The following PTPN21 variants were observed in gnomAD, a reference collection of about 807,000 sequenced individuals.
The protein encoded by PTPN21 is tyrosine-protein phosphatase non-receptor type 21.
PTPN21 carries 77 observed loss-of-function variants against 131.8 expected under a neutral mutation model. That is an observed-to-expected ratio of 0.58 (90% CI 0.49 to 0.71). The LOEUF (loss-of-function observed/expected upper bound fraction) is 0.71, where lower values mean the gene tolerates loss of function less well. Among genes scored for constraint, PTPN21 ranks in the 30% least tolerant of loss-of-function variants. The pLI, the probability that PTPN21 is intolerant of heterozygous loss-of-function variation, is 0.00. For synonymous variants in PTPN21, 715 were observed against 621.3 expected, an observed-to-expected ratio of 1.15 and a Z score of -2.24; for missense variants, 1,552 against 1,527.1, an observed-to-expected ratio of 1.02 and a Z score of -0.27.
intron 3 of PTPN21, among the ~76,000 whole-genome samples, chr14:88,509,324 C>T (rs557046113): frequency 4.8e-4 from 73 of 152,298 alleles, no homozygotes; most frequent in African/African-American, 1.7e-3. Flanking sequence ...AACTGTCCTC[C>T]GTATCTGGTG....
At chr14:88,537,969 G>C (rs941736172) in intron 2 of PTPN21, among the ~76,000 whole-genome samples, 1 of 152,190 alleles carries the variant, frequency 6.6e-6, no homozygotes, top group African/African-American at 2.4e-5. Context: ...TAAAAATACA[G>C]TATTATAATT....
chr14:88,475,692 T>TC (rs2077539137), intron 13 of PTPN21, among the ~76,000 whole-genome samples: 1 of 152,200 alleles, frequency 6.6e-6, no homozygotes, highest in Admixed American at 6.6e-5. Context: ...GTGTAAATAC[T>TC]CCCATCACAG....
chr14:88,478,311 C>G (rs1175073264), intron 13 of PTPN21, among the ~76,000 whole-genome samples: 12 of 152,194 alleles, frequency 7.9e-5, no homozygotes, highest in Admixed American at 7.9e-4. Context: ...CTTAGATTCT[C>G]AGCTGAATTC....
Position 88,466,319 on chromosome 14 carries a change from G to T in PTPN21, c.*1818C>A, listed in dbSNP as rs537458971. 1 of 152,020 alleles carries T rather than the reference G, an allele frequency of 6.6e-6. No individual in the cohort carries two copies. Among genetic ancestry groups the T allele is most frequent in the Non-Finnish European group, 1.5e-5 (1 of 68,014 alleles). 9.4% of individuals were successfully genotyped at this position (152,020 alleles called of 1,614,324 possible). On this transcript the variant is annotated 3_prime_UTR_variant, in exon 19 of 19. Coordinates refer to ENST00000556564, the MANE Select transcript of PTPN21 (RefSeq NM_007039.4). ...TTTTGTTCCTACATGAGAAGTGTGCGTACTTTCAATTAGTTTTCATTAATA... is the reference window on the plus strand; with the variant it reads ...TTTTGTTCCTACATGAGAAGTGTGCTTACTTTCAATTAGTTTTCATTAATA...
chr14:88,490,942 C>T (rs961859932), intron 10 of PTPN21, among the ~76,000 whole-genome samples: 5 of 152,166 alleles, frequency 3.3e-5, no homozygotes, highest in African/African-American at 1.2e-4. Flanking sequence ...ACTCTCTCGG[C>T]ATTTTCCTTA....
At position 88,469,859 on chromosome 14, in the gene PTPN21, G is replaced by C; in HGVS notation, c.3000+63C>G. 1 of 1,609,544 alleles carries C rather than the reference G, an allele frequency of 6.2e-7. No individual in the cohort carries two copies. Among genetic ancestry groups the C allele is most frequent in the Non-Finnish European group, 8.5e-7 (1 of 1,176,194 alleles). On this transcript the variant is annotated intron_variant, in intron 16 of 18. Transcript: ENST00000556564. This position sits in a 1 kb window ranked among gnomAD's most constrained non-coding sequence, Gnocchi z 4.3. ...TTTTTCTCCACAGGTCAGGATTCCA[G>C]ATGATTAACATTAACTGTTCTTCAG...
chr14:88,520,650 T>C (rs2078375135), intron 2 of PTPN21, among the ~76,000 whole-genome samples: 1 of 152,188 alleles, frequency 6.6e-6, no homozygotes. Flanking sequence ...TCTGGTTTAA[T>C]AGAAAGAGCT....
At position 88,538,161 on chromosome 14, in the gene PTPN21, C is replaced by T. The variant is rs1028654974; in HGVS notation, c.180+12077G>A. On this transcript the variant is annotated intron_variant, in intron 2 of 18. Transcript: ENST00000556564. ...TACCATATAAAGGTTGTTTAGTTTA[C>T]GACCCACATAACCAAAGATAAACTA... Among the ~76,000 whole-genome samples, 6 of 152,148 alleles carry T rather than the reference C, an allele frequency of 3.9e-5. No homozygotes were observed. In the East Asian group the frequency reaches 5.8e-4, roughly 15 times the overall value.
At chr14:88,470,863 T>G (rs549015824) in intron 15 of PTPN21, among the ~76,000 whole-genome samples, 148 of 152,306 alleles carry the variant, frequency 9.7e-4, no homozygotes, top group African/African-American at 3.5e-3. Context: ...TTTATTTCCA[T>G]GTAAGTGAGA....
chr14:88,468,014 A>G lies in PTPN21; in HGVS notation c.*123T>C. ...AGCGTGCCGCCATTCAGACTGCGCC[A>G]CTTACGTCCCAGTGCCACGCTGCGT... On this transcript the variant is annotated 3_prime_UTR_variant, in exon 19 of 19. Coordinates refer to ENST00000556564, the MANE Select transcript of PTPN21 (RefSeq NM_007039.4). 8.0e-7 allele frequency: 1 copy of G among 1,255,620 alleles called. No homozygotes were observed. Among genetic ancestry groups the G allele is most frequent in the Non-Finnish European group, 1.1e-6 (1 of 875,312 alleles). The allele number at this position is 1,255,620 out of a possible 1,614,324, so 77.8% of individuals were successfully genotyped here.
Sources: gnomAD v4.1 joint callset for allele counts (sites outside exome capture counted in the v4.1 genomes callset) on GRCh38, gnomAD v4.1.1 for gene constraint, Gnocchi (gnomAD v3.1) non-coding constraint, MANE v1.5 for transcripts, NCBI Gene and HGNC (gene_info 2026-07-23, HGNC 2026-07-21) for gene names.